The following RBFOX1 variants were observed in gnomAD, a reference collection of about 807,000 sequenced individuals.
RBFOX1 encodes the protein RNA binding protein fox-1 homolog 1.
A neutral mutation model predicts 57.7 loss-of-function variants in RBFOX1; 8 were observed. The ratio of observed to expected loss-of-function variants is 0.14; its 90% CI spans 0.08 to 0.25. RBFOX1 has a LOEUF of 0.25. RBFOX1 is among the 10% of genes least tolerant of loss of function. The probability of loss-of-function intolerance (pLI) is 1.00; values close to 1 mark genes in which losing one functional copy is unlikely to be tolerated. For synonymous variants in RBFOX1, 326 were observed against 222.4 expected (o/e 1.47, Z -4.15); for missense variants, 611 against 548.5 (o/e 1.11, Z -1.14).
At chr16:6,729,205 T>C (rs2067950367) in intron 3 of RBFOX1, among the ~76,000 whole-genome samples, 2 of 152,148 alleles carry the variant, frequency 1.3e-5, no homozygotes, top group African/African-American at 4.8e-5. Context: ...GGGAGATATA[T>C]ATGATTATAT....
chr16:7,372,855 A>C (rs562212167), intron 4 of RBFOX1, among the ~76,000 whole-genome samples: 2 of 152,098 alleles, frequency 1.3e-5, no homozygotes, highest in Non-Finnish European at 2.9e-5. Context: ...TATACGAAGA[A>C]TATCTTGCTT....
At chr16:5,987,570 G>A (rs1054234871) in intron 4 of RBFOX1, among the ~76,000 whole-genome samples, 1 of 152,078 alleles carries the variant, frequency 6.6e-6, no homozygotes, top group Non-Finnish European at 1.5e-5. Context: ...GGGCATGTGG[G>A]CATGTGCCTG....
At chr16:7,080,996 T>A (rs891111528) in intron 4 of RBFOX1, among the ~76,000 whole-genome samples, 1 of 152,182 alleles carries the variant, frequency 6.6e-6, no homozygotes, top group Non-Finnish European at 1.5e-5. Context: ...TCACTTCCCC[T>A]CCTCAGCCCT....
intron 1 of RBFOX1, among the ~76,000 whole-genome samples, chr16:5,436,854 C>G (rs2067933270): frequency 6.6e-6 from 1 of 152,050 alleles, no homozygotes; most frequent in East Asian, 1.9e-4. Context: ...AAAAAAAGTT[C>G]TGTCAGATAA....
intron 2 of RBFOX1, among the ~76,000 whole-genome samples, chr16:6,632,095 G>C (rs1200398375): frequency 1.3e-5 from 2 of 152,134 alleles, no homozygotes; most frequent in African/African-American, 4.8e-5. Flanking sequence ...GCTGGGTTTG[G>C]TTTCTGAGTC....
At chr16:6,752,974 G>T (rs969151922) in intron 3 of RBFOX1, among the ~76,000 whole-genome samples, 1 of 151,948 alleles carries the variant, frequency 6.6e-6, no homozygotes, top group African/African-American at 2.4e-5. Context: ...ATGGAGAAGG[G>T]AAAAATACAA....
intron 3 of RBFOX1, among the ~76,000 whole-genome samples, chr16:6,772,393 C>T (rs139146878): frequency 2.0e-3 from 303 of 151,944 alleles, no homozygotes; most frequent in African/African-American, 5.9e-3. Context: ...GAGGTGGGCA[C>T]AGGCTGGAAG....
At chr16:5,546,338 A>G (rs558519388) in intron 2 of RBFOX1, among the ~76,000 whole-genome samples, 11 of 152,316 alleles carry the variant, frequency 7.2e-5, no homozygotes, top group South Asian at 2.1e-4. Context: ...AAATTTATAC[A>G]GACAATGAAA....
At chr16:7,607,161 C>A in intron 9 of RBFOX1, 124 bp from the exon 10 acceptor site, 1 of 793,028 alleles carries the variant, frequency 1.3e-6, no homozygotes, top group Non-Finnish European at 2.0e-6. Flanking sequence ...GCCCAAACGA[C>A]ACCTCCTTTA....
intron 4 of RBFOX1, among the ~76,000 whole-genome samples, chr16:7,442,530 C>T (rs1037312088): frequency 1.3e-5 from 2 of 152,110 alleles, no homozygotes; most frequent in Non-Finnish European, 2.9e-5. Flanking sequence ...CCGCAAACTG[C>T]TTTTGCCCAA....
chr16:5,398,825 T>G (rs751457853), intron 1 of RBFOX1, among the ~76,000 whole-genome samples: 1 of 152,120 alleles, frequency 6.6e-6, no homozygotes, highest in Non-Finnish European at 1.5e-5. Flanking sequence ...TTCAGAGGAA[T>G]TGAATTTGAG....
chr16:6,458,548 C>T (rs1193699810), intron 2 of RBFOX1, among the ~76,000 whole-genome samples: 1 of 152,174 alleles, frequency 6.6e-6, no homozygotes, highest in Non-Finnish European at 1.5e-5. Context: ...TTGGAGAATA[C>T]AGACAAACCA....
At chr16:6,174,478 C>A (rs1228982036) in intron 1 of RBFOX1, among the ~76,000 whole-genome samples, 1 of 152,050 alleles carries the variant, frequency 6.6e-6, no homozygotes, top group Middle Eastern at 3.2e-3. Flanking sequence ...GCCTGTAGTC[C>A]CAACTATTGG....
chr16:7,020,842 C>G (rs768825958), intron 3 of RBFOX1, among the ~76,000 whole-genome samples: 2 of 152,064 alleles, frequency 1.3e-5, no homozygotes, highest in African/African-American at 4.8e-5. Context: ...GAATTTTTCT[C>G]GAGGCCAGTC....
intron 3 of RBFOX1, among the ~76,000 whole-genome samples, chr16:6,971,929 C>T (rs1181287405): frequency 6.6e-6 from 1 of 152,056 alleles, no homozygotes; most frequent in Non-Finnish European, 1.5e-5. Context: ...GGGAACTGGA[C>T]CGACTTGAGA....
At chr16:7,709,538 G>C (rs1380111498) in intron 15 of RBFOX1, 1 of 1,533,054 alleles carries the variant, frequency 6.5e-7, no homozygotes, top group Non-Finnish European at 8.7e-7. Flanking sequence ...GAGCTAAGCT[G>C]CACACTTCCA....
intron 4 of RBFOX1, among the ~76,000 whole-genome samples, chr16:7,318,365 G>A (rs947432924): frequency 6.6e-6 from 1 of 152,060 alleles, no homozygotes. Context: ...CAGTGGTGGT[G>A]GTGGTGGTGA....
chr16:6,531,195 T>G (rs2096653288), intron 2 of RBFOX1, among the ~76,000 whole-genome samples: 1 of 152,204 alleles, frequency 6.6e-6, no homozygotes, highest in Non-Finnish European at 1.5e-5. Context: ...TTTTCCCAAA[T>G]TCTATTTTTC....
At chr16:6,247,479 A>C (rs2097575668) in intron 1 of RBFOX1, among the ~76,000 whole-genome samples, 1 of 152,204 alleles carries the variant, frequency 6.6e-6, no homozygotes, top group Non-Finnish European at 1.5e-5. Flanking sequence ...AGAAAATATA[A>C]TATAATTTGA....
Sources: gnomAD v4.1 joint callset for allele counts (sites outside exome capture counted in the v4.1 genomes callset) on GRCh38, gnomAD v4.1.1 for gene constraint, MANE v1.5 for transcripts, NCBI Gene and HGNC (gene_info 2026-07-23, HGNC 2026-07-21) for gene names.